The following APPL1 variants were observed in gnomAD, a reference collection of about 807,000 sequenced individuals.
APPL1 encodes the protein DCC-interacting protein 13-alpha.
APPL1 carries 42 observed loss-of-function variants against 106.8 expected under a neutral mutation model. That is an observed-to-expected ratio of 0.39 (90% CI 0.31 to 0.51). The LOEUF (loss-of-function observed/expected upper bound fraction) is 0.51. Among genes scored for constraint, APPL1 ranks in the 20% least tolerant of loss-of-function variants. The pLI, the probability that APPL1 is intolerant of heterozygous loss-of-function variation, is 0.75. For synonymous variants in APPL1, 263 were observed against 281.8 expected (o/e 0.93, Z 0.67); for missense variants, 769 against 858.2 (o/e 0.90, Z 1.30).
Position 57,259,784 on chromosome 3 carries a change from A to G in APPL1, c.1484-61A>G, listed in dbSNP as rs963116537. On this transcript the variant is annotated intron_variant, in intron 16 of 21. Coordinates refer to ENST00000288266, the MANE Select transcript of APPL1 (RefSeq NM_012096.3). ...TTTTGGAAAAGAAATATGGCGAAAA[A>G]AATAAAATGTAAATTTATACAGTAA... 3.0e-6 allele frequency: 4 copies of G among 1,328,828 alleles called. No individual in the cohort carries two copies. The African/African-American group carries it at 6.1e-5, about 20-fold the overall frequency. 82.3% of individuals were successfully genotyped at this position (1,328,828 alleles called of 1,614,324 possible).
At chr3:57,260,906 A>C (rs990985677) in intron 19 of APPL1, 132 bp downstream of exon 19, 31 of 1,071,486 alleles carry the variant, frequency 2.9e-5, no homozygotes, top group Non-Finnish European at 3.6e-5. Flanking sequence ...AATTTATACA[A>C]ATTTATGAGG....
intron 4 of APPL1, among the ~76,000 whole-genome samples, chr3:57,239,773 A>G (rs1313262572): frequency 1.3e-5 from 2 of 152,224 alleles, no homozygotes; most frequent in African/African-American, 2.4e-5. Flanking sequence ...TGTTTTCTAC[A>G]GTGCCTGCAC....
At chr3:57,230,856 C>T (rs2060682734) in intron 1 of APPL1, 2 of 390,552 alleles carry the variant, frequency 5.1e-6, no homozygotes, top group Non-Finnish European at 1.0e-5. Flanking sequence ...AAACCTCAAA[C>T]TCCTGGGCAC....
At chr3:57,255,828 T>C (rs923704447) in intron 13 of APPL1, among the ~76,000 whole-genome samples, 1 of 152,224 alleles carries the variant, frequency 6.6e-6, no homozygotes, top group Non-Finnish European at 1.5e-5. Context: ...ATTTATTTTA[T>C]CATTTAGGTC....
rs2060772871 is a variant in APPL1 at position 57,246,221 on chromosome 3, AG to A, written c.621+1del. The A allele has an allele frequency of 1.3e-6, 2 of 1,592,582 alleles. No individual in the cohort carries two copies. The highest frequency in any genetic ancestry group is 1.7e-6 in the Non-Finnish European group (2 of 1,172,928). ...LEPLLGYMQA[Q>X]ISFFKMGSEN... ...CCTCTACTTGGGTACATGCAAGCTC[AG>A]GTAAATACTGTACTGTATTTGGATT... On this transcript the variant is annotated frameshift_variant and splice_region_variant, in exon 8 of 22. Coordinates refer to ENST00000288266, the MANE Select transcript of APPL1 (RefSeq NM_012096.3). LOFTEE classifies it high-confidence loss of function.
intron 18 of APPL1, chr3:57,260,406 TA>T (rs1317805968): frequency 1.8e-6 from 1 of 544,278 alleles, no homozygotes; most frequent in Admixed American, 3.8e-5. Flanking sequence ...TAAAATGTGT[TA>T]ATGACTAATA....
chr3:57,240,242 T>C (rs1479202292), intron 4 of APPL1, among the ~76,000 whole-genome samples: 1 of 152,040 alleles, frequency 6.6e-6, no homozygotes, highest in Admixed American at 6.5e-5. Flanking sequence ...TAGTGTCATA[T>C]GCAAGAAAGT....
At chr3:57,268,531 G>T in intron 21 of APPL1, 44 bp downstream of exon 21, 2 of 1,531,208 alleles carry the variant, frequency 1.3e-6, no homozygotes, top group East Asian at 2.3e-5. Context: ...TGTTTGTGAA[G>T]ACTTAATTCA....
chr3:57,242,791 A>G (rs1045587205), intron 6 of APPL1, 65 bp from the exon 7 acceptor site: 4 of 1,229,510 alleles, frequency 3.3e-6, no homozygotes, highest in South Asian at 1.2e-5. Context: ...TGTGAAGACC[A>G]TTGAAAGCAT....
rs1335477184 is a variant in APPL1, at chr3:57,228,050, C to T, written c.54+113C>T. The T allele has an allele frequency of 2.2e-6, 2 of 917,754 alleles. No individual in the cohort carries two copies. Among genetic ancestry groups the T allele is most frequent in the African/African-American group, 3.5e-5 (2 of 57,224 alleles). The allele number at this position is 917,754 out of a possible 1,614,324, so 56.9% of individuals were successfully genotyped here. A position where few individuals can be genotyped will look rare whatever the true frequency, so the allele number is the denominator to read the frequency against. On this transcript the variant is annotated intron_variant, in intron 1 of 21. Transcript: ENST00000288266. The surrounding 1 kb of genome is among the most constrained non-coding windows in gnomAD (Gnocchi z 4.6). ...CCCCGGCCCAGGTGGGGGCCGCCGC[C>T]GCCCTAGGTCACCGCCCGTCGCAGG...
chr3:57,268,709 A>G, intron 21 of APPL1: 1 of 316,176 alleles, frequency 3.2e-6, no homozygotes, highest in African/African-American at 2.1e-5. Flanking sequence ...TTTCAAAAAT[A>G]TACCAGAACT....
intron 10 of APPL1, among the ~76,000 whole-genome samples, chr3:57,248,902 TTAAA>T (rs2060788827): frequency 6.6e-6 from 1 of 152,158 alleles, no homozygotes; most frequent in Non-Finnish European, 1.5e-5. Flanking sequence ...TAATTTGAGT[TTAAA>T]TAAATATTCA....
At chr3:57,253,266 C>T (rs138740344) in intron 12 of APPL1, among the ~76,000 whole-genome samples, 6 of 151,776 alleles carry the variant, frequency 4.0e-5, no homozygotes, top group East Asian at 1.9e-4. Context: ...TTATGATACC[C>T]GAGTTCACAC....
chr3:57,230,992 G>A lies in APPL1; in HGVS notation c.54+3055G>A, dbSNP rs556729327. ...GGCTCACTGCAACCTCCACCTCCCG[G>A]GTTCAAGTGATTCTGCTTCCTCAGC... On this transcript the variant is annotated intron_variant, in intron 1 of 21. Coordinates refer to ENST00000288266, the MANE Select transcript of APPL1 (RefSeq NM_012096.3). Among the ~76,000 whole-genome samples the A allele has an allele frequency of 3.3e-5, 5 of 151,778 alleles. No individual in the cohort carries two copies. The South Asian group carries it at 1.0e-3, about 32-fold the overall frequency.
chr3:57,253,755 A>G lies in APPL1; in HGVS notation c.1152+17A>G, dbSNP rs1289025174. 1 of 1,391,588 alleles carries G rather than the reference A, an allele frequency of 7.2e-7. No homozygotes were observed. Among genetic ancestry groups the G allele is most frequent in the Non-Finnish European group, 9.4e-7 (1 of 1,061,142 alleles). The allele number at this position is 1,391,588 out of a possible 1,614,324, so 86.2% of individuals were successfully genotyped here. On this transcript the variant is annotated intron_variant, in intron 13 of 21. Coordinates refer to ENST00000288266, the MANE Select transcript of APPL1 (RefSeq NM_012096.3). ...AATCCAGAGGTAATATTTTTATTTT[A>G]TGTTACCCAGATCTAGCAAAATTGA...
chr3:57,261,071 T>G (rs549532455), intron 19 of APPL1, among the ~76,000 whole-genome samples: 1 of 152,286 alleles, frequency 6.6e-6, no homozygotes, highest in East Asian at 1.9e-4. Flanking sequence ...AATTTATGGT[T>G]GTACCCTTTA....
chr3:57,255,624 T>C (rs900502126), intron 13 of APPL1, among the ~76,000 whole-genome samples: 2 of 152,172 alleles, frequency 1.3e-5, no homozygotes, highest in Admixed American at 1.3e-4. Context: ...TATAATGTTA[T>C]TATATTTACA....
At chr3:57,244,381 C>T (rs1323568443) in intron 7 of APPL1, among the ~76,000 whole-genome samples, 1 of 152,174 alleles carries the variant, frequency 6.6e-6, no homozygotes, top group East Asian at 1.9e-4. Context: ...GTCTCGAACT[C>T]CTGACTTCAG....
At chr3:57,251,498 C>T (rs1360968145) in intron 11 of APPL1, among the ~76,000 whole-genome samples, 1 of 146,156 alleles carries the variant, frequency 6.8e-6, no homozygotes, top group East Asian at 2.0e-4. Flanking sequence ...GCACTTCAGC[C>T]TGGGTGACAG....
Sources: allele counts gnomAD v4.1 joint callset (sites outside exome capture counted in the v4.1 genomes callset), GRCh38; gene constraint gnomAD v4.1.1; non-coding constraint Gnocchi (gnomAD v3.1); transcripts MANE v1.5; gene names NCBI Gene and HGNC (gene_info 2026-07-23, HGNC 2026-07-21).